Variants in SLC17A1 observed in about 807,000 individuals in gnomAD.
SLC17A1 encodes the protein sodium-dependent phosphate transport protein 1.
In SLC17A1, 51 loss-of-function variants were observed where a neutral mutation model predicts 53.5. That is an observed-to-expected ratio of 0.95 (90% CI 0.76 to 1.20). The LOEUF is 1.20. SLC17A1 is among the 50% of genes most tolerant of loss of function. The pLI, the probability that SLC17A1 is intolerant of heterozygous loss-of-function variation, is 0.00. For synonymous variants in SLC17A1, 179 were observed against 198.8 expected (o/e 0.90, Z 0.84); for missense variants, 538 against 568.2 (o/e 0.95, Z 0.54).
At chr6:25,732,029 C>T in the SLC17A1 span, 1 of 1,465,332 alleles carries the variant, frequency 6.8e-7, no homozygotes, top group South Asian at 1.2e-5. Flanking sequence ...CCTGCTTCAG[C>T]AGCTTGTAGA....
chr6:25,775,594 C>A, the SLC17A1 span, among the ~76,000 whole-genome samples: 1 of 151,900 alleles, frequency 6.6e-6, no homozygotes, highest in African/African-American at 2.4e-5. Flanking sequence ...TACCACCATG[C>A]CTGGCTAATT....
chr6:25,727,286 C>T, the SLC17A1 span: 11 of 1,595,844 alleles, frequency 6.9e-6, no homozygotes, highest in South Asian at 2.3e-5. Context: ...ACACCAGCTC[C>T]AAGTAAGCCT....
the SLC17A1 span, among the ~76,000 whole-genome samples, chr6:25,750,600 A>G: frequency 6.6e-6 from 1 of 151,610 alleles, no homozygotes; most frequent in Admixed American, 6.6e-5. Flanking sequence ...TGGCTTTTCT[A>G]TTGAAGCCTG....
At chr6:25,749,922 T>C in the SLC17A1 span, among the ~76,000 whole-genome samples, 1 of 152,228 alleles carries the variant, frequency 6.6e-6, no homozygotes, top group Non-Finnish European at 1.5e-5. Flanking sequence ...GGTCCCAACA[T>C]GAAGATGATG....
intron 10 of SLC17A1, among the ~76,000 whole-genome samples, chr6:25,809,782 A>G (rs1261955108): frequency 6.6e-6 from 1 of 152,110 alleles, no homozygotes; most frequent in East Asian, 1.9e-4. Flanking sequence ...ATTTCTATGG[A>G]AGTACAAAAG....
intron 12 of SLC17A1, among the ~76,000 whole-genome samples, chr6:25,787,802 T>C (rs1188859723): frequency 6.6e-6 from 1 of 152,186 alleles, no homozygotes; most frequent in African/African-American, 2.4e-5. Context: ...TCATCCCCCT[T>C]ACCCTGACCA....
At chr6:25,795,154 A>G (rs1446304392) in intron 12 of SLC17A1, among the ~76,000 whole-genome samples, 1 of 152,198 alleles carries the variant, frequency 6.6e-6, no homozygotes, top group African/African-American at 2.4e-5. Flanking sequence ...ACTTAGCCTA[A>G]TATCTAAAAT....
chr6:25,747,472 C>G, the SLC17A1 span, among the ~76,000 whole-genome samples: 1 of 152,188 alleles, frequency 6.6e-6, no homozygotes, highest in African/African-American at 2.4e-5. Context: ...AATCAGCCAA[C>G]AAATAACACT....
rs140424579 is a variant in SLC17A1, at chr6:25,828,015, G to A, written c.35-1382C>T. ...CATCTAAATCAGGTGTGGAAGAGGGGCCTATGATTAATCCCTCCTAGGGCA... is the reference window on the plus strand; with the variant it reads ...CATCTAAATCAGGTGTGGAAGAGGGACCTATGATTAATCCCTCCTAGGGCA... On this transcript the variant is annotated intron_variant, in intron 2 of 12. Coordinates refer to ENST00000244527, the MANE Select transcript of SLC17A1 (RefSeq NM_005074.5). Among the ~76,000 whole-genome samples, 61 of 152,206 alleles carry A rather than the reference G, an allele frequency of 4.0e-4. No individual in the cohort carries two copies. In the East Asian group the frequency reaches 9.5e-3, roughly 24 times the overall value.
In SLC17A1 at chr6:25,819,833, G is replaced by A; in HGVS notation, c.290C>T (p.Pro97Leu). 1 of 1,613,954 alleles carries A rather than the reference G, an allele frequency of 6.2e-7. No individual in the cohort carries two copies. The highest frequency in any genetic ancestry group is 8.5e-7 in the Non-Finnish European group (1 of 1,179,870). ...ATATATTCCAGAGAAGTATCCAACAGGAACTTGGATGATGATGACACCATA... is the reference window on the plus strand; with the variant it reads ...ATATATTCCAGAGAAGTATCCAACAAGAACTTGGATGATGATGACACCATA... ...TSYGVIIIQV[P>L]VGYFSGIYST... The change falls in exon 4 of 13, where the codon CCT becomes CTT. Residue 97 changes from proline to leucine, a missense_variant. Pro to Leu is a moderately conservative substitution (Grantham distance 98). Transcript: ENST00000244527.
At chr6:25,731,703 C>A in the SLC17A1 span, 7 of 973,648 alleles carry the variant, frequency 7.2e-6, no homozygotes, top group African/African-American at 3.3e-5. Context: ...AATAAACATT[C>A]TACAGCCCTA....
At chr6:25,734,855 C>A in the SLC17A1 span, among the ~76,000 whole-genome samples, 2 of 152,064 alleles carry the variant, frequency 1.3e-5, no homozygotes, top group Non-Finnish European at 2.9e-5. Context: ...GATGATTAGA[C>A]AAATCTTTAA....
chr6:25,783,397 C>G (rs1189807583), intron 12 of SLC17A1, among the ~76,000 whole-genome samples, 179 bp from the exon 13 acceptor site: 1 of 152,140 alleles, frequency 6.6e-6, no homozygotes, highest in African/African-American at 2.4e-5. Context: ...TTTTACACTT[C>G]TCTCCTCTGG....
At chr6:25,778,090 C>T, downstream of SLC17A1, 3 of 1,088,382 alleles carry the variant, frequency 2.8e-6, no homozygotes, top group South Asian at 1.4e-5. Context: ...TATGCACGGC[C>T]TTGTATCCTA....
the SLC17A1 span, chr6:25,761,951 G>A: frequency 6.2e-7 from 1 of 1,611,062 alleles, no homozygotes; most frequent in Non-Finnish European, 8.5e-7. Context: ...TCCCTAGGAA[G>A]AGAGAACCAA....
the SLC17A1 span, among the ~76,000 whole-genome samples, chr6:25,727,983 A>G: frequency 2.0e-5 from 3 of 152,200 alleles, no homozygotes; most frequent in Non-Finnish European, 4.4e-5. Context: ...TCACTGCACT[A>G]CAGCCTGGTG....
intron 12 of SLC17A1, among the ~76,000 whole-genome samples, chr6:25,783,466 C>T (rs1306847302): frequency 6.6e-6 from 1 of 152,004 alleles, no homozygotes; most frequent in Non-Finnish European, 1.5e-5. Context: ...TCCCTATTTT[C>T]AAAAATCTTT....
At chr6:25,750,601 T>C in the SLC17A1 span, among the ~76,000 whole-genome samples, 2 of 151,282 alleles carry the variant, frequency 1.3e-5, no homozygotes, top group Non-Finnish European at 2.9e-5. Flanking sequence ...GGCTTTTCTA[T>C]TGAAGCCTGG....
At chr6:25,739,292 C>T in the SLC17A1 span, among the ~76,000 whole-genome samples, 4 of 152,132 alleles carry the variant, frequency 2.6e-5, no homozygotes, top group Non-Finnish European at 5.9e-5. Context: ...TCTGGATTCG[C>T]TTCTCATAAG....
Sources: gnomAD v4.1 joint callset for allele counts (sites outside exome capture counted in the v4.1 genomes callset) on GRCh38, gnomAD v4.1.1 for gene constraint, MANE v1.5 for transcripts, NCBI Gene and HGNC (gene_info 2026-07-23, HGNC 2026-07-21) for gene names.